CREB5: variants seen among roughly 807,000 people sequenced by gnomAD.
The protein encoded by CREB5 is cAMP responsive element binding protein 5, also known as cyclic AMP-responsive element-binding protein 5.
CREB5 carries 19 observed loss-of-function variants against 57.1 expected under a neutral mutation model. The ratio of observed to expected loss-of-function variants is 0.33; its 90% confidence interval spans 0.23 to 0.49. CREB5 has a LOEUF of 0.49. Among genes scored for constraint, CREB5 ranks in the 20% least tolerant of loss-of-function variants. The probability of loss-of-function intolerance (pLI) is 0.99; values close to 1 mark genes in which losing one functional copy is unlikely to be tolerated. For synonymous variants in CREB5, 238 were observed against 238.3 expected (o/e 1.00, Z 0.01); for missense variants, 579 against 671.6 (o/e 0.86, Z 1.52).
chr7:28,815,362 C>A (rs893027876), intron 9 of CREB5, among the ~76,000 whole-genome samples: 1 of 150,340 alleles, frequency 6.7e-6, no homozygotes, highest in East Asian at 1.9e-4. Flanking sequence ...CAGGGTTCTG[C>A]ATTTTTACAG....
At chr7:28,644,494 C>G (rs192489766) in intron 5 of CREB5, among the ~76,000 whole-genome samples, 1 of 152,132 alleles carries the variant, frequency 6.6e-6, no homozygotes, top group Non-Finnish European at 1.5e-5. Flanking sequence ...TAGCGTAAGA[C>G]CTTGTCGCGC....
chr7:28,514,605 C>T (rs1309947680), intron 4 of CREB5, among the ~76,000 whole-genome samples: 1 of 152,110 alleles, frequency 6.6e-6, no homozygotes, highest in Non-Finnish European at 1.5e-5. Context: ...CCGTGTTAGT[C>T]AGGATGGTCT....
chr7:28,633,211 G>A (rs991181998), intron 5 of CREB5, among the ~76,000 whole-genome samples: 1 of 152,180 alleles, frequency 6.6e-6, no homozygotes, highest in African/African-American at 2.4e-5. Context: ...AATTCAAACA[G>A]ACTGGTTGGC....
Position 28,793,823 on chromosome 7 carries a change from G to A in CREB5, c.703-10376G>A, listed in dbSNP as rs115845821. ...AGCACATACCCAAGGACTACTGTGC[G>A]TTGAAAAGGTGCCATTTGTGTAGCT... On this transcript the variant is annotated intron_variant, in intron 7 of 10. Transcript: ENST00000357727. 3.8e-3 allele frequency among the ~76,000 whole-genome samples: 574 copies of A among 152,324 alleles called. 5 individuals carry two copies. Among genetic ancestry groups the A allele is most frequent in the African/African-American group, 0.013 (554 of 41,578 alleles).
chr7:28,415,013 G>A (rs1013896339), intron 1 of CREB5, among the ~76,000 whole-genome samples: 2 of 151,950 alleles, frequency 1.3e-5, no homozygotes, highest in Non-Finnish European at 2.9e-5. Flanking sequence ...CACCCCCTGA[G>A]AAATAGATCA....
chr7:28,562,697 A>G (rs1209801911), intron 4 of CREB5, among the ~76,000 whole-genome samples: 2 of 152,250 alleles, frequency 1.3e-5, no homozygotes, highest in Non-Finnish European at 2.9e-5. Flanking sequence ...AGGGACACTA[A>G]TCAGACATTT....
At chr7:28,434,000 A>C (rs1165232146) in intron 1 of CREB5, among the ~76,000 whole-genome samples, 1 of 151,984 alleles carries the variant, frequency 6.6e-6, no homozygotes, top group Non-Finnish European at 1.5e-5. Context: ...CTCCTATGAG[A>C]CCTCTAGAGG....
At chr7:28,560,825 CGCGCGCGCGTGTGTGT>C (rs1795084179) in intron 4 of CREB5, among the ~76,000 whole-genome samples, 1 of 37,564 alleles carries the variant, frequency 2.7e-5, no homozygotes, top group Non-Finnish European at 6.5e-5. Context: ...TGTGTGTGCG[CGCGCGCGCGTGTGTGT>C]GTGCGCGTGT....
intron 1 of CREB5, among the ~76,000 whole-genome samples, chr7:28,377,595 C>A (rs9639575): frequency 0.65 from 98,188 of 151,724 alleles, 35,083 homozygotes; most frequent in East Asian, 0.99. Context: ...GGGTAGACTT[C>A]TCAGGTTCTT....
chr7:28,460,382 T>A (rs937503591), intron 1 of CREB5, among the ~76,000 whole-genome samples: 2 of 152,182 alleles, frequency 1.3e-5, no homozygotes, highest in African/African-American at 4.8e-5. Context: ...TACATGCTAG[T>A]GCTGTTATTT....
At chr7:28,560,557 T>C (rs1292693910) in intron 4 of CREB5, among the ~76,000 whole-genome samples, 1 of 152,016 alleles carries the variant, frequency 6.6e-6, no homozygotes, top group Non-Finnish European at 1.5e-5. Context: ...CCTATATCAG[T>C]AGGAAGCAAT....
chr7:28,324,868 C>G (rs1202917087), intron 1 of CREB5, among the ~76,000 whole-genome samples: 1 of 152,208 alleles, frequency 6.6e-6, no homozygotes, highest in Non-Finnish European at 1.5e-5. Flanking sequence ...ATCATCCTAT[C>G]TCAGTAAATA....
intron 7 of CREB5, among the ~76,000 whole-genome samples, chr7:28,739,069 C>T (rs1277400636): frequency 6.6e-6 from 1 of 152,114 alleles, no homozygotes; most frequent in East Asian, 1.9e-4. Flanking sequence ...TAAAGTCAAG[C>T]ACAAGGTAAG....
chr7:28,555,256 C>T (rs1794818616), intron 4 of CREB5, among the ~76,000 whole-genome samples: 1 of 152,148 alleles, frequency 6.6e-6, no homozygotes, highest in Non-Finnish European at 1.5e-5. Context: ...GTTCTCTCTT[C>T]CTGTGCCAGC....
chr7:28,305,673 A>G (rs1785169184), intron 1 of CREB5, among the ~76,000 whole-genome samples: 1 of 150,834 alleles, frequency 6.6e-6, no homozygotes, highest in Non-Finnish European at 1.5e-5. Context: ...ATCACTCAGC[A>G]TTAGCCTTCA....
At chr7:28,604,135 T>A (rs1230469951) in intron 5 of CREB5, among the ~76,000 whole-genome samples, 1 of 152,168 alleles carries the variant, frequency 6.6e-6, no homozygotes, top group Non-Finnish European at 1.5e-5. Context: ...ATTAGAAGGA[T>A]CATGACTTAT....
chr7:28,671,714 C>T (rs534154644), intron 5 of CREB5, among the ~76,000 whole-genome samples: 1 of 152,326 alleles, frequency 6.6e-6, no homozygotes, highest in African/African-American at 2.4e-5. Context: ...ATGAACACAT[C>T]AGTCAACTGC....
rs887919437 is a variant in CREB5 at position 28,485,630 on chromosome 7, T to C, written c.4-2545T>C. On this transcript the variant is annotated intron_variant, in intron 1 of 10. Coordinates refer to ENST00000357727, the MANE Select transcript of CREB5 (RefSeq NM_182898.4). The stretch of plus-strand genomic sequence containing the variant: ...CTGAAGTTTGGTCTTTATACCCCTC[T>C]TATTAAGGTATGGACCTTAGGCATG... Among the ~76,000 whole-genome samples, 3 of 152,238 alleles carry C rather than the reference T, an allele frequency of 2.0e-5. 1 individual carries two copies. The Middle Eastern group carries it at 0.01, about 518-fold the overall frequency.
intron 5 of CREB5, among the ~76,000 whole-genome samples, chr7:28,709,806 A>G (rs946748236): frequency 5.9e-5 from 9 of 152,238 alleles, no homozygotes; most frequent in Non-Finnish European, 1.3e-4. Context: ...CTCGTGTGGT[A>G]AACTTCATTT....
Sources: allele counts gnomAD v4.1 joint callset (sites outside exome capture counted in the v4.1 genomes callset), GRCh38; gene constraint gnomAD v4.1.1; transcripts MANE v1.5; gene names NCBI Gene and HGNC (gene_info 2026-07-23, HGNC 2026-07-21).